AKR1E2: variants seen among roughly 807,000 people sequenced by gnomAD.
AKR1E2 encodes aldo-keto reductase family 1 member E2, also known as 1,5-anhydro-D-fructose reductase.
In AKR1E2, 43 loss-of-function variants were observed where a neutral mutation model predicts 41.9. The ratio of observed to expected loss-of-function variants is 1.03; its 90% CI spans 0.80 to 1.32. The LOEUF (loss-of-function observed/expected upper bound fraction) is 1.32, where lower values mean the gene tolerates loss of function less well. Ranked by LOEUF, AKR1E2 falls within the 40% of genes most tolerant of loss-of-function variation. The pLI is 0.00. For missense variants in AKR1E2, 423 were observed against 396.5 expected (o/e 1.07, Z -0.57); for synonymous variants, 121 against 138.9 (o/e 0.87, Z 0.91).
intron 7 of AKR1E2, 51 bp from the exon 8 acceptor site, chr10:4,842,370 A>G: frequency 6.6e-7 from 1 of 1,518,982 alleles, no homozygotes; most frequent in Non-Finnish European, 9.1e-7. Context: ...AATAACTTAG[A>G]CTACATGGGA....
rs762761492 is a variant in AKR1E2, at chr10:4,835,775, T to C, written c.425T>C (p.Ile142Thr). 3.1e-6 allele frequency: 5 copies of C among 1,614,130 alleles called. 1 individual carries two copies. In the South Asian group the frequency reaches 4.4e-5, roughly 14 times the overall value. ...DLPLDESNMV[I>T]PSDTDFLDTW... Reference sequence around the variant, plus strand: ...CCTCTGGACGAGAGCAACATGGTTATTCCCAGTGACACGGACTTCCTGGAC... The same window carrying C: ...CCTCTGGACGAGAGCAACATGGTTACTCCCAGTGACACGGACTTCCTGGAC... Residue 142 changes from isoleucine to threonine, a missense_variant, in exon 4 of 10, where the codon ATT becomes ACT. Ile to Thr is a moderately conservative substitution (Grantham distance 89, BLOSUM62 -1). Transcript: ENST00000298375.
chr10:4,848,340 T>C (rs1450127232), downstream of AKR1E2, among the ~76,000 whole-genome samples: 1 of 152,244 alleles, frequency 6.6e-6, no homozygotes, highest in Non-Finnish European at 1.5e-5. Context: ...TTTAGATTCA[T>C]GTATCAGAAG....
At chr10:4,838,936 G>A (rs114714542) in intron 5 of AKR1E2, among the ~76,000 whole-genome samples, 1,898 of 152,290 alleles carry the variant, frequency 0.012, 33 homozygotes, top group African/African-American at 0.043. Flanking sequence ...CACAGGATGC[G>A]GAAGGCTCCA....
intron 4 of AKR1E2, among the ~76,000 whole-genome samples, chr10:4,837,031 G>T (rs1833482398): frequency 6.6e-6 from 1 of 152,212 alleles, no homozygotes; most frequent in African/African-American, 2.4e-5. Flanking sequence ...GCTTAAGAAG[G>T]TCAGTGTCTC....
chr10:4,844,188 G>A (rs1383444621), intron 8 of AKR1E2, among the ~76,000 whole-genome samples: 2 of 152,158 alleles, frequency 1.3e-5, no homozygotes, highest in Non-Finnish European at 2.9e-5. Context: ...CTTCCTTCTG[G>A]TGGGTTCATG....
chr10:4,831,727 T>A (rs994114971), intron 2 of AKR1E2, among the ~76,000 whole-genome samples: 2 of 152,068 alleles, frequency 1.3e-5, no homozygotes, highest in African/African-American at 4.8e-5. Context: ...GCAGGAGTAA[T>A]GAGAAGTGAG....
At chr10:4,861,896 T>C in the AKR1E2 span, among the ~76,000 whole-genome samples, 9 of 152,196 alleles carry the variant, frequency 5.9e-5, no homozygotes, top group Non-Finnish European at 1.3e-4. Flanking sequence ...TTCACTCTGA[T>C]GGTAATTTCT....
chr10:4,870,447 A>G, the AKR1E2 span, among the ~76,000 whole-genome samples: 1 of 151,822 alleles, frequency 6.6e-6, no homozygotes, highest in African/African-American at 2.4e-5. Flanking sequence ...TGTTTAGAGA[A>G]CTTACTTTAG....
chr10:4,869,034 T>TG, the AKR1E2 span, among the ~76,000 whole-genome samples: 7 of 152,194 alleles, frequency 4.6e-5, no homozygotes, highest in Non-Finnish European at 1.0e-4. Flanking sequence ...ATTTTCATAT[T>TG]GGGGTAATGC....
chr10:4,860,353 C>T, the AKR1E2 span, among the ~76,000 whole-genome samples: 10 of 152,296 alleles, frequency 6.6e-5, no homozygotes, highest in South Asian at 2.1e-3. Flanking sequence ...ACAAATAGCC[C>T]ATCCAACTGC....
Position 4,839,764 on chromosome 10 carries a change from G to T in AKR1E2, c.618G>T (p.Leu206=). ...ECHPYLTQKN[L]ISFCQSRDVS... ...ACCCATATCTTACTCAGAAGAATCT[G>T]ATCAGTTTTTGCCAATCCAGAGATG... The change falls in exon 6 of 10, where the codon CTG becomes CTT. Residue 206 remains leucine, a synonymous_variant. Transcript: ENST00000298375. 6.2e-7 allele frequency: 1 copy of T among 1,614,068 alleles called. No individual in the cohort carries two copies. Among genetic ancestry groups the T allele is most frequent in the South Asian group, 1.1e-5 (1 of 91,046 alleles).
chr10:4,851,343 C>G (rs1336819708), downstream of AKR1E2, among the ~76,000 whole-genome samples: 1 of 152,156 alleles, frequency 6.6e-6, no homozygotes, highest in Admixed American at 6.5e-5. Flanking sequence ...CATTGTCACT[C>G]CCGGTTGGAT....
chr10:4,836,472 A>G (rs17133707), intron 4 of AKR1E2, among the ~76,000 whole-genome samples: 5,168 of 152,290 alleles, frequency 0.034, 135 homozygotes, highest in East Asian at 0.089. Context: ...GTGGTCTTAC[A>G]GTCTTGCTAA....
chr10:4,826,422 C>T lies in AKR1E2; in HGVS notation c.39+59C>T, dbSNP rs989627535. 2.5e-6 allele frequency: 3 copies of T among 1,218,358 alleles called. No individual in the cohort carries two copies. In the African/African-American group the frequency reaches 4.7e-5, roughly 19 times the overall value. The allele number at this position is 1,218,358 out of a possible 1,614,324, so 75.5% of individuals were successfully genotyped here. A position where few individuals can be genotyped will look rare whatever the true frequency, so the allele number is the denominator to read the frequency against. On this transcript the variant is annotated intron_variant, in intron 1 of 9. Transcript: ENST00000298375. The stretch of plus-strand genomic sequence containing the variant: ...CCTAGGGGAGCGCGGGACTTGGGGG[C>T]GCCCGATGGGACCCAGGCCGGGGCT...
intron 8 of AKR1E2, among the ~76,000 whole-genome samples, chr10:4,845,273 G>A (rs1305405172): frequency 6.6e-6 from 1 of 152,196 alleles, no homozygotes; most frequent in East Asian, 1.9e-4. Context: ...ACCACGCGCA[G>A]CCCCGATTCC....
At chr10:4,826,710 G>C (rs1031516690) in intron 1 of AKR1E2, among the ~76,000 whole-genome samples, 2 of 152,172 alleles carry the variant, frequency 1.3e-5, no homozygotes, top group Admixed American at 6.5e-5. Context: ...CGGGGATGCC[G>C]AGGGGAGGCC....
chr10:4,837,195 G>A (rs755762494), intron 4 of AKR1E2, among the ~76,000 whole-genome samples: 14 of 152,196 alleles, frequency 9.2e-5, no homozygotes, highest in South Asian at 2.1e-4. Context: ...AAACATCCCC[G>A]TGGCACAGGC....
chr10:4,830,852 C>T lies in AKR1E2; in HGVS notation c.207+10C>T, dbSNP rs757603023. 2 of 1,613,970 alleles carry T rather than the reference C, an allele frequency of 1.2e-6. No homozygotes were observed. The highest frequency in any genetic ancestry group is 1.7e-6 in the Non-Finnish European group (2 of 1,179,920). On this transcript the variant is annotated intron_variant, in intron 2 of 9. Transcript: ENST00000298375. The stretch of plus-strand genomic sequence containing the variant: ...GTTCATTGCCACTAAGGTAGGGCTT[C>T]TCTATGCAAGGCTGGCAGAGCTTGG...
chr10:4,856,303 G>A, the AKR1E2 span, among the ~76,000 whole-genome samples: 2 of 152,158 alleles, frequency 1.3e-5, no homozygotes, highest in African/African-American at 4.8e-5. Context: ...TTCTGTTTGT[G>A]AACATATTGG....
Sources: allele counts gnomAD v4.1 joint callset (sites outside exome capture counted in the v4.1 genomes callset), GRCh38; gene constraint gnomAD v4.1.1; transcripts MANE v1.5; gene names NCBI Gene and HGNC (gene_info 2026-07-23, HGNC 2026-07-21).